The following ADAMTS17 variants were observed in gnomAD, a reference collection of about 807,000 sequenced individuals.
ADAMTS17 encodes A disintegrin and metalloproteinase with thrombospondin motifs 17.
A neutral mutation model predicts 141.5 loss-of-function variants in ADAMTS17; 113 were observed. The ratio of observed to expected loss-of-function variants is 0.80; its 90% confidence interval spans 0.69 to 0.93. The LOEUF is 0.93. ADAMTS17 is among the 40% of genes least tolerant of loss of function. The probability of loss-of-function intolerance (pLI) is 0.00; values close to 1 mark genes in which losing one functional copy is unlikely to be tolerated. For synonymous variants in ADAMTS17, 768 were observed against 630.6 expected (o/e 1.22, Z -3.27); for missense variants, 1,659 against 1,517.9 (o/e 1.09, Z -1.54).
intron 12 of ADAMTS17, among the ~76,000 whole-genome samples, chr15:100,124,152 G>C (rs2037597845): frequency 6.6e-6 from 1 of 152,044 alleles, no homozygotes; most frequent in South Asian, 2.1e-4. Flanking sequence ...TTTTAGTAGA[G>C]ATGGGGTCTC....
intron 3 of ADAMTS17, among the ~76,000 whole-genome samples, chr15:100,284,740 C>T (rs2044391868): frequency 6.6e-6 from 1 of 152,144 alleles, no homozygotes; most frequent in Admixed American, 6.5e-5. Flanking sequence ...CCTTTAATTC[C>T]CTAAACTGCA....
rs1341782784 is a variant in ADAMTS17, at chr15:99,974,105, C to G, written c.*297G>C. 4.2e-6 allele frequency: 2 copies of G among 480,672 alleles called. No individual in the cohort carries two copies. The highest frequency in any genetic ancestry group is 3.3e-5 in the Admixed American group (1 of 30,076). 29.8% of individuals were successfully genotyped at this position (480,672 alleles called of 1,614,324 possible). On this transcript the variant is annotated 3_prime_UTR_variant, in exon 22 of 22. Transcript: ENST00000268070. ...AAGACAAGAACACTAAATGATGTCT[C>G]TCTCTTGACGGTTGTCTGCCAGAGG... is the stretch of plus-strand genomic sequence containing the variant.
intron 18 of ADAMTS17, among the ~76,000 whole-genome samples, chr15:100,009,269 C>G (rs148211686): frequency 1.3e-4 from 20 of 152,142 alleles, no homozygotes; most frequent in Non-Finnish European, 1.5e-5. Flanking sequence ...AGACTGGCCT[C>G]GGGCTCCCCT....
chr15:100,117,905 T>A (rs1276812833), intron 12 of ADAMTS17, among the ~76,000 whole-genome samples: 1 of 152,274 alleles, frequency 6.6e-6, no homozygotes, highest in Non-Finnish European at 1.5e-5. Flanking sequence ...TTCTGCTCAA[T>A]GAATTTCCAC....
At chr15:100,118,791 G>C (rs965861613) in intron 12 of ADAMTS17, among the ~76,000 whole-genome samples, 4 of 152,162 alleles carry the variant, frequency 2.6e-5, no homozygotes, top group African/African-American at 9.7e-5. Flanking sequence ...CAATAAGTGA[G>C]TCCCCACGAG....
rs560129828 is a variant in ADAMTS17 at position 100,185,586 on chromosome 15, T to G, written c.1181+13732A>C. ...AGTGTGAGAAAATCAACACTTCCCA[T>G]TGCTTCTAAAGAACTCTAATGTTAA... On this transcript the variant is annotated intron_variant, in intron 8 of 21. Coordinates refer to ENST00000268070, the MANE Select transcript of ADAMTS17 (RefSeq NM_139057.4). 5.3e-5 allele frequency among the ~76,000 whole-genome samples: 8 copies of G among 152,314 alleles called. No individual in the cohort carries two copies. In the South Asian group the frequency reaches 1.7e-3, roughly 32 times the overall value.
chr15:100,223,028 C>G (rs2042183425), intron 7 of ADAMTS17, among the ~76,000 whole-genome samples: 1 of 152,234 alleles, frequency 6.6e-6, no homozygotes. Context: ...CGCTCTCACC[C>G]TATTTTCCAT....
intron 12 of ADAMTS17, chr15:100,129,307 C>A (rs936629559): frequency 1.3e-5 from 2 of 152,288 alleles, no homozygotes; most frequent in Non-Finnish European, 2.9e-5. Flanking sequence ...GGAAGGGCAA[C>A]TGGTACCATC....
chr15:100,219,154 G>A (rs1296834685), intron 7 of ADAMTS17, among the ~76,000 whole-genome samples: 1 of 152,194 alleles, frequency 6.6e-6, no homozygotes, highest in Non-Finnish European at 1.5e-5. Flanking sequence ...GCAAATCCAT[G>A]GCAGCTTAGT....
intron 16 of ADAMTS17, among the ~76,000 whole-genome samples, chr15:100,052,633 G>A (rs2032236842): frequency 6.6e-6 from 1 of 152,184 alleles, no homozygotes; most frequent in Admixed American, 6.5e-5. Flanking sequence ...TTCAGTACAG[G>A]TTTTATGTTT....
intron 15 of ADAMTS17, among the ~76,000 whole-genome samples, chr15:100,056,395 G>T (rs1276159428): frequency 6.6e-6 from 1 of 150,734 alleles, no homozygotes; most frequent in Non-Finnish European, 1.5e-5. Flanking sequence ...TGGGACTAGG[G>T]ACTGGTTTCG....
chr15:100,037,632 C>T (rs565505285), intron 18 of ADAMTS17, among the ~76,000 whole-genome samples: 235 of 152,236 alleles, frequency 1.5e-3, no homozygotes, highest in African/African-American at 5.3e-3. Context: ...TGGTCTTGAA[C>T]TCCTGAGCTC....
At position 100,341,146 on chromosome 15, in the gene ADAMTS17, C is replaced by T. The variant is rs1490289831; in HGVS notation, c.343G>A (p.Ala115Thr). Reference protein sequence around the residue: ...RGFEVEEAGAARRRGRPAELC... With the variant: ...RGFEVEEAGATRRRGRPAELC... ...TCGGCGGGGCGGCCGCGGCGCCGGGCCGCGCCCGCCTCCTCCACCTCGAAG... is the reference window on the plus strand; with the variant it reads ...TCGGCGGGGCGGCCGCGGCGCCGGGTCGCGCCCGCCTCCTCCACCTCGAAG... Residue 115 changes from alanine (A) to threonine (T), a missense_variant, in exon 2 of 22, where the codon GCC becomes ACC. Coordinates refer to ENST00000268070, the MANE Select transcript of ADAMTS17 (RefSeq NM_139057.4). 3 of 1,438,882 alleles carry T rather than the reference C, an allele frequency of 2.1e-6. No individual in the cohort carries two copies. Among genetic ancestry groups the T allele is most frequent in the Admixed American group, 5.4e-5 (2 of 36,764 alleles). The allele number at this position is 1,438,882 out of a possible 1,614,324, so 89.1% of individuals were successfully genotyped here. A position where few individuals can be genotyped will look rare whatever the true frequency, so the allele number is the denominator to read the frequency against.
chr15:99,978,017 C>G (rs908769962), intron 20 of ADAMTS17, among the ~76,000 whole-genome samples: 1 of 152,146 alleles, frequency 6.6e-6, no homozygotes. Context: ...GGGAGCAGGG[C>G]GTGGAGGGTT....
At chr15:100,290,079 T>C (rs1400137145) in intron 3 of ADAMTS17, among the ~76,000 whole-genome samples, 1 of 152,134 alleles carries the variant, frequency 6.6e-6, no homozygotes, top group Non-Finnish European at 1.5e-5. Flanking sequence ...AAACCATCTC[T>C]GCTTGCAGAC....
At chr15:100,240,891 T>C in intron 7 of ADAMTS17, among the ~76,000 whole-genome samples, 1 of 152,168 alleles carries the variant, frequency 6.6e-6, no homozygotes. Flanking sequence ...AGTGACAGGA[T>C]CTCAGCTCAC....
chr15:100,110,327 C>T (rs191295355), intron 13 of ADAMTS17, among the ~76,000 whole-genome samples: 16 of 150,360 alleles, frequency 1.1e-4, no homozygotes, highest in Admixed American at 7.3e-4. Context: ...TGCAGTGGCG[C>T]GATCTCAGCT....
At chr15:100,195,926 T>TA (rs1336449238) in intron 8 of ADAMTS17, among the ~76,000 whole-genome samples, 1 of 152,186 alleles carries the variant, frequency 6.6e-6, no homozygotes, top group Non-Finnish European at 1.5e-5. Flanking sequence ...TATAAATTTT[T>TA]AAAAAAGCAA....
chr15:100,153,525 T>C (rs1422289866), intron 9 of ADAMTS17, among the ~76,000 whole-genome samples: 1 of 152,082 alleles, frequency 6.6e-6, no homozygotes, highest in Non-Finnish European at 1.5e-5. Context: ...CCACCTGTAG[T>C]CCCAGCTAAT....
Sources: allele counts gnomAD v4.1 joint callset (sites outside exome capture counted in the v4.1 genomes callset), GRCh38; gene constraint gnomAD v4.1.1; transcripts MANE v1.5; gene names NCBI Gene and HGNC (gene_info 2026-07-23, HGNC 2026-07-21).